The following EFR3B variants were observed in gnomAD, a reference collection of about 807,000 sequenced individuals.
EFR3B encodes EFR3 homolog B.
Under a neutral mutation model 104.7 loss-of-function variants are expected in EFR3B, and 64 were observed. The observed-to-expected ratio is 0.61, with a 90% CI of 0.50 to 0.75. The LOEUF is 0.75. EFR3B is among the 30% of genes least tolerant of loss of function. The pLI is 0.00. For missense variants in EFR3B, 750 were observed against 1,078.5 expected (o/e 0.70, Z 4.27); for synonymous variants, 385 against 417.9 (o/e 0.92, Z 0.96).
intron 5 of EFR3B, among the ~76,000 whole-genome samples, chr2:25,125,187 A>T (rs1480869464): frequency 1.3e-5 from 2 of 152,200 alleles, no homozygotes; most frequent in Admixed American, 1.3e-4. Context: ...CATTTGTGGA[A>T]GGGATTCTGG....
chr2:25,144,553 C>CA (rs1455639725), intron 18 of EFR3B, among the ~76,000 whole-genome samples: 2 of 151,410 alleles, frequency 1.3e-5, no homozygotes, highest in East Asian at 1.9e-4. Context: ...AAAAAAAAAA[C>CA]AAAAAAACAA....
At chr2:25,135,729 G>T in intron 13 of EFR3B, 90 bp downstream of exon 13, 1 of 1,418,188 alleles carries the variant, frequency 7.1e-7, no homozygotes, top group East Asian at 2.5e-5. Flanking sequence ...TCACACCCAG[G>T]TTCCCACCTC....
Position 25,042,178 on chromosome 2 carries a change from C to G in EFR3B, c.-135C>G. Reference sequence around the variant, plus strand: ...TGCCCGCGGCCGGCCCCCGCGTCTGCTCCCTCCCCGCCCGGGCCCCTGTCG... The same window carrying G: ...TGCCCGCGGCCGGCCCCCGCGTCTGGTCCCTCCCCGCCCGGGCCCCTGTCG... On this transcript the variant is annotated 5_prime_UTR_variant, in exon 1 of 23. Transcript: ENST00000403714. This position sits in a 1 kb window ranked among gnomAD's most constrained non-coding sequence, Gnocchi z 5.4. The G allele has an allele frequency of 1.1e-6, 1 of 921,896 alleles. No individual in the cohort carries two copies. The highest frequency in any genetic ancestry group is 1.4e-6 in the Non-Finnish European group (1 of 713,818). The allele number at this position is 921,896 out of a possible 1,614,324, so 57.1% of individuals were successfully genotyped here. A position where few individuals can be genotyped will look rare whatever the true frequency, so the allele number is the denominator to read the frequency against.
chr2:25,099,011 A>G (rs1669360347), intron 3 of EFR3B, among the ~76,000 whole-genome samples: 1 of 151,872 alleles, frequency 6.6e-6, no homozygotes, highest in Admixed American at 6.6e-5. Context: ...ACACTGTAAT[A>G]ATGGTGAAAT....
At chr2:25,103,893 G>C in intron 4 of EFR3B, 106 bp downstream of exon 4, 2 of 1,392,668 alleles carry the variant, frequency 1.4e-6, no homozygotes, top group Non-Finnish European at 9.7e-7. Flanking sequence ...TTCCTTCTTG[G>C]TTCCCAACCC....
chr2:25,058,027 A>G (rs1225560250), intron 1 of EFR3B: 1 of 152,168 alleles, frequency 6.6e-6, no homozygotes, highest in African/African-American at 2.4e-5. Context: ...CAAAAAAGAT[A>G]TGTAGCTGGC....
At chr2:25,082,334 C>G (rs1668832198) in intron 1 of EFR3B, among the ~76,000 whole-genome samples, 1 of 152,190 alleles carries the variant, frequency 6.6e-6, no homozygotes, top group South Asian at 2.1e-4. Flanking sequence ...GGCTAGAGGC[C>G]TTGGGCAGAC....
chr2:25,131,085 G>A lies in EFR3B; in HGVS notation c.850-283G>A, dbSNP rs1439614351. Among the ~76,000 whole-genome samples the A allele has an allele frequency of 1.3e-5, 2 of 152,150 alleles. No homozygotes were observed. The highest frequency in any genetic ancestry group is 4.8e-5 in the African/African-American group (2 of 41,420). ...GTGGCTCTTGCCGGAAAGACCTGAA[G>A]AAATGAAAGGAAGACCCTATTTTAA... On this transcript the variant is annotated intron_variant, in intron 8 of 22. Transcript: ENST00000403714. The surrounding 1 kb of genome is among the most constrained non-coding windows in gnomAD (Gnocchi z 7.6).
At chr2:25,095,532 T>C (rs1288850310) in intron 3 of EFR3B, among the ~76,000 whole-genome samples, 1 of 151,844 alleles carries the variant, frequency 6.6e-6, no homozygotes, top group Non-Finnish European at 1.5e-5. Context: ...CTCATCTCTA[T>C]CAAAAATACA....
chr2:25,093,233 G>A (rs1182885846), intron 3 of EFR3B, 103 bp downstream of exon 3: 9 of 1,428,576 alleles, frequency 6.3e-6, no homozygotes, highest in South Asian at 2.8e-5. Context: ...AGTGGCTCAC[G>A]CCTGTAATCC....
chr2:25,120,093 G>A (rs1483567115), intron 4 of EFR3B, among the ~76,000 whole-genome samples: 1 of 152,168 alleles, frequency 6.6e-6, no homozygotes, highest in Admixed American at 6.5e-5. Context: ...GGGGGCTGAT[G>A]CCTATAATCC....
intron 1 of EFR3B, among the ~76,000 whole-genome samples, chr2:25,068,148 CT>C (rs995672061): frequency 5.3e-5 from 8 of 152,162 alleles, no homozygotes; most frequent in African/African-American, 1.9e-4. Flanking sequence ...GCTCTCACCC[CT>C]GGTTCTCCTG....
chr2:25,044,164 A>T (rs977646382), intron 1 of EFR3B, among the ~76,000 whole-genome samples: 2 of 152,224 alleles, frequency 1.3e-5, no homozygotes, highest in Non-Finnish European at 2.9e-5. Flanking sequence ...TTTACCCTGA[A>T]TGATTCATAG....
chr2:25,098,327 C>T (rs1669338424), intron 3 of EFR3B, among the ~76,000 whole-genome samples: 1 of 152,186 alleles, frequency 6.6e-6, no homozygotes, highest in Non-Finnish European at 1.5e-5. Context: ...TGCCTGCTGA[C>T]CCTAATCCCT....
chr2:25,152,275 T>C (rs1671034563), intron 21 of EFR3B, among the ~76,000 whole-genome samples: 1 of 152,190 alleles, frequency 6.6e-6, no homozygotes, highest in South Asian at 2.1e-4. Context: ...TGGGTCTCTC[T>C]GAGACCTCAC....
rs758728073 is a variant in EFR3B at position 25,121,772 on chromosome 2, G to A, written c.463G>A (p.Asp155Asn). The change falls in exon 5 of 23, where the codon GAT becomes AAT. Residue 155 changes from aspartate to asparagine, a missense_variant. Asp to Asn is a conservative substitution (Grantham distance 23, BLOSUM62 1). Coordinates refer to ENST00000403714, the MANE Select transcript of EFR3B (RefSeq NM_014971.2). ...RFSEMCHSSHDDLEIKTKIRM... is the reference protein window; with the variant it reads ...RFSEMCHSSHNDLEIKTKIRM... ...CAGTGAAATGTGCCACTCGAGCCATGATGACTTAGAAATCAAGACCAAGTG... is the reference window on the plus strand; with the variant it reads ...CAGTGAAATGTGCCACTCGAGCCATAATGACTTAGAAATCAAGACCAAGTG... The A allele has an allele frequency of 6.4e-7, 1 of 1,551,834 alleles. No homozygotes were observed. The highest frequency in any genetic ancestry group is 8.7e-7 in the Non-Finnish European group (1 of 1,147,024).
intron 6 of EFR3B, among the ~76,000 whole-genome samples, chr2:25,128,899 G>A (rs1403472123): frequency 4.6e-5 from 6 of 131,154 alleles, no homozygotes; most frequent in Non-Finnish European, 7.8e-5. Context: ...GGCAGAACTT[G>A]CAGTGAGCCG....
At chr2:25,049,673 A>C (rs1241668211) in intron 1 of EFR3B, among the ~76,000 whole-genome samples, 1 of 152,046 alleles carries the variant, frequency 6.6e-6, no homozygotes, top group Non-Finnish European at 1.5e-5. Context: ...TCCTCTACTG[A>C]GGGGCAGAGA....
chr2:25,092,619 G>A (rs1222989225), intron 2 of EFR3B, among the ~76,000 whole-genome samples: 1 of 149,916 alleles, frequency 6.7e-6, no homozygotes, highest in Non-Finnish European at 1.5e-5. Context: ...TGCAATCTTG[G>A]CTCACTGCAA....
Sources: gnomAD v4.1 joint callset for allele counts (sites outside exome capture counted in the v4.1 genomes callset) on GRCh38, gnomAD v4.1.1 for gene constraint, Gnocchi (gnomAD v3.1) non-coding constraint, MANE v1.5 for transcripts, NCBI Gene and HGNC (gene_info 2026-07-23, HGNC 2026-07-21) for gene names.